The following ULK4 variants were observed in gnomAD, a reference collection of about 807,000 sequenced individuals.
ULK4 encodes the protein unc-51 like kinase 4.
Under a neutral mutation model 160.6 loss-of-function variants are expected in ULK4, and 133 were observed. That is an observed-to-expected ratio of 0.83 (90% CI 0.72 to 0.96). The LOEUF (loss-of-function observed/expected upper bound fraction) is 0.96. Ranked by LOEUF, ULK4 falls within the 40% of genes least tolerant of loss-of-function variation. The pLI is 0.00. For missense variants in ULK4, 1,580 were observed against 1,499.5 expected (o/e 1.05, Z -0.89); for synonymous variants, 534 against 539.8 (o/e 0.99, Z 0.15).
At chr3:41,647,390 T>C (rs964107242) in intron 30 of ULK4, among the ~76,000 whole-genome samples, 16 of 152,222 alleles carry the variant, frequency 1.1e-4, no homozygotes, top group Non-Finnish European at 7.3e-5. Context: ...GTCCTTCCTG[T>C]TTGTTAGTTT....
At chr3:41,315,280 A>G (rs1028276433) in intron 35 of ULK4, among the ~76,000 whole-genome samples, 1 of 152,186 alleles carries the variant, frequency 6.6e-6, no homozygotes, top group African/African-American at 2.4e-5. Context: ...TTATGGCAAC[A>G]AGTGCTGTCA....
chr3:41,856,510 T>A (rs2042339170), intron 17 of ULK4, among the ~76,000 whole-genome samples: 1 of 95,404 alleles, frequency 1.0e-5, no homozygotes, highest in African/African-American at 4.8e-5. Context: ...AATAAATAAA[T>A]AAATATATAT....
intron 31 of ULK4, among the ~76,000 whole-genome samples, chr3:41,615,410 T>C (rs1260622212): frequency 6.6e-6 from 1 of 152,184 alleles, no homozygotes; most frequent in African/African-American, 2.4e-5. Flanking sequence ...AAATATATAT[T>C]GTGTAATACA....
chr3:41,659,424 T>C (rs146987695), intron 30 of ULK4, among the ~76,000 whole-genome samples: 56 of 152,296 alleles, frequency 3.7e-4, no homozygotes, highest in East Asian at 3.1e-3. Flanking sequence ...CAACGAACTA[T>C]TGGCAAAGGG....
intron 2 of ULK4, among the ~76,000 whole-genome samples, chr3:41,942,252 C>T (rs962540236): frequency 6.6e-6 from 1 of 152,206 alleles, no homozygotes; most frequent in Non-Finnish European, 1.5e-5. Context: ...GGTGCAGTGG[C>T]TAACACCTGT....
intron 17 of ULK4, among the ~76,000 whole-genome samples, chr3:41,877,199 G>A (rs772826738): frequency 4.6e-5 from 7 of 152,166 alleles, no homozygotes; most frequent in Non-Finnish European, 7.4e-5. Context: ...CATCCAGTGG[G>A]TTATATCCCA....
chr3:41,671,750 G>A lies in ULK4; in HGVS notation c.2979-8051C>T, dbSNP rs147159195. Among the ~76,000 whole-genome samples the A allele has an allele frequency of 9.9e-5, 15 of 152,022 alleles. No individual in the cohort carries two copies. The East Asian group carries it at 1.2e-3, about 12-fold the overall frequency. Reference sequence around the variant, plus strand: ...CTATATTAAACTTAAAAGCTTCTACGCAGCACAATAAAGTCAACAGATTGA... The same window carrying A: ...CTATATTAAACTTAAAAGCTTCTACACAGCACAATAAAGTCAACAGATTGA... On this transcript the variant is annotated intron_variant, in intron 29 of 36. Transcript: ENST00000301831.
rs201761242 is a variant in ULK4 at position 41,388,150 on chromosome 3, G to C, written c.3678+9929C>G. ...TGATGATGAGCGTTTTTTCATGTGT[G>C]TTTTGGCTGCATAAATGTCTTCTTT... is the stretch of plus-strand genomic sequence containing the variant. On this transcript the variant is annotated intron_variant, in intron 35 of 36. Transcript: ENST00000301831. Among the ~76,000 whole-genome samples, 369 of 151,934 alleles carry C rather than the reference G, an allele frequency of 2.4e-3. 1 individual carries two copies. Among genetic ancestry groups the C allele is most frequent in the East Asian group, 0.014 (74 of 5,158 alleles).
At chr3:41,444,897 A>C (rs1337713811) in intron 34 of ULK4, among the ~76,000 whole-genome samples, 1 of 152,146 alleles carries the variant, frequency 6.6e-6, no homozygotes, top group East Asian at 1.9e-4. Context: ...AGAAAGAAAT[A>C]AAGGGTATTC....
chr3:41,647,025 C>G lies in ULK4; in HGVS notation c.3071+16582G>C, dbSNP rs564273438. On this transcript the variant is annotated intron_variant, in intron 30 of 36. Transcript: ENST00000301831. Reference sequence around the variant, plus strand: ...CTGCATTCTTCATGTAGTTCTCGAGCCTTGGCTTTCAGCTCCATCAGCTCC... The same window carrying G: ...CTGCATTCTTCATGTAGTTCTCGAGGCTTGGCTTTCAGCTCCATCAGCTCC... Among the ~76,000 whole-genome samples, 171 of 152,326 alleles carry G rather than the reference C, an allele frequency of 1.1e-3. 1 individual carries two copies. In the Middle Eastern group the frequency reaches 0.017, roughly 15 times the overall value.
intron 20 of ULK4, 78 bp downstream of exon 20, chr3:41,800,054 A>T: frequency 7.9e-7 from 1 of 1,273,582 alleles, no homozygotes; most frequent in Non-Finnish European, 1.0e-6. Flanking sequence ...AATTAAATTT[A>T]TTCTTATTCT....
intron 32 of ULK4, among the ~76,000 whole-genome samples, chr3:41,487,464 TA>T (rs2084580399): frequency 6.6e-6 from 1 of 152,004 alleles, no homozygotes; most frequent in Non-Finnish European, 1.5e-5. Context: ...AATACTACAA[TA>T]ATAAAAATGT....
At chr3:41,813,879 G>A (rs375295107) in intron 19 of ULK4, among the ~76,000 whole-genome samples, 43 of 152,334 alleles carry the variant, frequency 2.8e-4, no homozygotes, top group African/African-American at 8.7e-4. Flanking sequence ...ATACTTCAAA[G>A]ATTCCTAACT....
intron 36 of ULK4, among the ~76,000 whole-genome samples, chr3:41,247,679 T>C (rs1281727897): frequency 1.3e-5 from 2 of 152,190 alleles, no homozygotes; most frequent in Non-Finnish European, 2.9e-5. Context: ...GACCGTTCCA[T>C]GCATTCCTGC....
chr3:41,304,379 G>A (rs751916268), intron 35 of ULK4, among the ~76,000 whole-genome samples: 9 of 151,844 alleles, frequency 5.9e-5, no homozygotes, highest in Admixed American at 2.0e-4. Context: ...AAGCCACTGA[G>A]TATCTCCAAG....
chr3:41,354,722 ACT>A (rs1312863186), intron 35 of ULK4, among the ~76,000 whole-genome samples: 1 of 152,154 alleles, frequency 6.6e-6, no homozygotes, highest in African/African-American at 2.4e-5. Context: ...GGGCAAGCAA[ACT>A]CTGCTAGTTT....
At chr3:41,908,007 T>G in intron 11 of ULK4, 66 bp from the exon 12 acceptor site, 1 of 1,226,176 alleles carries the variant, frequency 8.2e-7, no homozygotes, top group Non-Finnish European at 1.1e-6. Context: ...TACTGTTTTC[T>G]GGAAGAAAAC....
At chr3:41,397,001 T>C (rs1171858736) in intron 35 of ULK4, among the ~76,000 whole-genome samples, 1 of 152,138 alleles carries the variant, frequency 6.6e-6, no homozygotes, top group Non-Finnish European at 1.5e-5. Flanking sequence ...ACTGTCTACC[T>C]ATCAAATTGG....
chr3:41,860,348 T>G (rs1397070699), intron 17 of ULK4, among the ~76,000 whole-genome samples: 1 of 152,184 alleles, frequency 6.6e-6, no homozygotes, highest in East Asian at 1.9e-4. Flanking sequence ...CATTATTGTA[T>G]CAAGGCCTCT....
Sources: allele counts gnomAD v4.1 joint callset (sites outside exome capture counted in the v4.1 genomes callset), GRCh38; gene constraint gnomAD v4.1.1; transcripts MANE v1.5; gene names NCBI Gene and HGNC (gene_info 2026-07-23, HGNC 2026-07-21).